MAGI2: variants seen among roughly 807,000 people sequenced by gnomAD.
MAGI2 encodes membrane associated guanylate kinase, WW and PDZ domain containing 2, also known as membrane-associated guanylate kinase, WW and PDZ domain-containing protein 2.
MAGI2 carries 35 observed loss-of-function variants against 133.3 expected under a neutral mutation model. The ratio of observed to expected loss-of-function variants is 0.26; its 90% CI spans 0.20 to 0.35. The LOEUF is 0.35. Ranked by LOEUF, MAGI2 falls within the 10% of genes least tolerant of loss-of-function variation. The pLI, the probability that MAGI2 is intolerant of heterozygous loss-of-function variation, is 1.00. For synonymous variants in MAGI2, 729 were observed against 710.6 expected (o/e 1.03, Z -0.41); for missense variants, 1,636 against 1,863.4 (o/e 0.88, Z 2.25).
chr7:78,476,340 A>G (rs145978599), intron 6 of MAGI2, among the ~76,000 whole-genome samples: 3 of 152,146 alleles, frequency 2.0e-5, no homozygotes, highest in South Asian at 4.1e-4. Context: ...GTGAAGGCAA[A>G]GAAAGAATAT....
intron 1 of MAGI2, among the ~76,000 whole-genome samples, chr7:79,317,973 T>C (rs529610342): frequency 2.6e-5 from 4 of 152,326 alleles, no homozygotes; most frequent in East Asian, 1.9e-4. Context: ...TTGACCAGTA[T>C]TGATCACTCC....
At chr7:78,249,988 T>C (rs968605696) in intron 10 of MAGI2, among the ~76,000 whole-genome samples, 2 of 151,654 alleles carry the variant, frequency 1.3e-5, no homozygotes, top group African/African-American at 4.8e-5. Flanking sequence ...CAATTAAAAA[T>C]AGACTTAAAA....
chr7:79,128,123 T>C (rs919425015), intron 1 of MAGI2, among the ~76,000 whole-genome samples: 2 of 152,164 alleles, frequency 1.3e-5, no homozygotes, highest in Non-Finnish European at 2.9e-5. Context: ...TATGCAGCAT[T>C]ATTTCTGAGG....
At chr7:79,274,733 C>G (rs1835114074) in intron 1 of MAGI2, among the ~76,000 whole-genome samples, 1 of 152,074 alleles carries the variant, frequency 6.6e-6, no homozygotes, top group African/African-American at 2.4e-5. Flanking sequence ...AAGGTTGTGT[C>G]AACACGATGC....
At position 79,192,063 on chromosome 7, in the gene MAGI2, T is replaced by C. The variant is rs187558129; in HGVS notation, c.302-184857A>G. On this transcript the variant is annotated intron_variant, in intron 1 of 21. Transcript: ENST00000354212. ...TAGAAATATATCTTTGTAACTTTCA[T>C]CTAATAACATGATAGAATAAGACCT... Among the ~76,000 whole-genome samples, 52 of 151,992 alleles carry C rather than the reference T, an allele frequency of 3.4e-4. 1 individual carries two copies. The highest frequency in any genetic ancestry group is 1.1e-3 in the African/African-American group (46 of 41,402).
chr7:78,072,057 C>G (rs1025942100), intron 21 of MAGI2, among the ~76,000 whole-genome samples: 1 of 152,068 alleles, frequency 6.6e-6, no homozygotes, highest in Non-Finnish European at 1.5e-5. Flanking sequence ...GTCCGGGCTC[C>G]CAGAAGTGGC....
rs1466456826 is a variant in MAGI2, at chr7:78,251,505, TAA to T, written c.2047+4436_2047+4437del. 5.3e-5 allele frequency: 8 copies of T among 152,244 alleles called. No individual in the cohort carries two copies. The East Asian group carries it at 1.5e-3, about 29-fold the overall frequency. 9.4% of individuals were successfully genotyped at this position (152,244 alleles called of 1,614,324 possible). ...GGAGTCTACAAAAAGCCTCCAGACT[TAA>T]AGAGTCAGTTTAATAAAATTGCAGT... On this transcript the variant is annotated intron_variant, in intron 10 of 21. Transcript: ENST00000354212.
chr7:79,332,096 G>A (rs56274109), intron 1 of MAGI2, among the ~76,000 whole-genome samples: 28,918 of 151,952 alleles, frequency 0.19, 2,863 homozygotes, highest in East Asian at 0.23. Context: ...TATTCACTTC[G>A]TTAGTTAGGT....
rs559062167 is a variant in MAGI2, at chr7:78,113,398, C to T, written c.3567+12296G>A. On this transcript the variant is annotated intron_variant, in intron 20 of 21. Coordinates refer to ENST00000354212, the MANE Select transcript of MAGI2 (RefSeq NM_012301.4). The stretch of plus-strand genomic sequence containing the variant: ...ACATACTTACTTAAAAGATGCTCTC[C>T]GTACCTCTGTGCTGAGTAGTGAGTA... Among the ~76,000 whole-genome samples, 8 of 152,192 alleles carry T rather than the reference C, an allele frequency of 5.3e-5. No homozygotes were observed. The East Asian group carries it at 9.6e-4, about 18-fold the overall frequency.
At chr7:79,059,982 A>G (rs1262921615) in intron 1 of MAGI2, among the ~76,000 whole-genome samples, 2 of 152,160 alleles carry the variant, frequency 1.3e-5, no homozygotes, top group Admixed American at 6.6e-5. Flanking sequence ...TGAGTAATGT[A>G]TGAGGTGTTG....
intron 1 of MAGI2, chr7:79,030,166 G>A (rs181338966): frequency 2.2e-4 from 33 of 152,168 alleles, no homozygotes; most frequent in African/African-American, 7.2e-4. Context: ...AGTGAAACAC[G>A]GTATCCAGGA....
At chr7:78,789,392 T>G (rs1159083446) in intron 2 of MAGI2, among the ~76,000 whole-genome samples, 1 of 152,234 alleles carries the variant, frequency 6.6e-6, no homozygotes, top group Non-Finnish European at 1.5e-5. Flanking sequence ...CTCTTACTGG[T>G]GCATGCTTTC....
chr7:78,577,786 G>A (rs904579915), intron 3 of MAGI2, among the ~76,000 whole-genome samples: 2 of 152,072 alleles, frequency 1.3e-5, no homozygotes, highest in Non-Finnish European at 2.9e-5. Context: ...CTTTTGTGGT[G>A]GAATGTCATC....
chr7:79,442,572 C>T (rs1245851786), intron 1 of MAGI2, among the ~76,000 whole-genome samples: 2 of 152,012 alleles, frequency 1.3e-5, no homozygotes, highest in African/African-American at 2.4e-5. Flanking sequence ...AGCATAGGAA[C>T]TTCCAACTAA....
chr7:78,966,593 G>A (rs1803328181), intron 2 of MAGI2, among the ~76,000 whole-genome samples: 1 of 152,062 alleles, frequency 6.6e-6, no homozygotes, highest in African/African-American at 2.4e-5. Context: ...CATTTAGGTT[G>A]TTTCCACAAC....
intron 2 of MAGI2, among the ~76,000 whole-genome samples, chr7:78,693,470 G>A (rs909616885): frequency 2.0e-5 from 3 of 152,106 alleles, no homozygotes; most frequent in African/African-American, 7.2e-5. Context: ...AAGTTTCAGA[G>A]CAAGAGAAAA....
At chr7:79,316,156 A>G (rs1585543029) in intron 1 of MAGI2, among the ~76,000 whole-genome samples, 1 of 152,114 alleles carries the variant, frequency 6.6e-6, no homozygotes, top group Admixed American at 6.6e-5. Context: ...AGGGCAATGT[A>G]TGGTAGTTAG....
chr7:79,447,734 A>G (rs1001506653), intron 1 of MAGI2, among the ~76,000 whole-genome samples: 1 of 151,968 alleles, frequency 6.6e-6, no homozygotes, highest in African/African-American at 2.4e-5. Flanking sequence ...ACCATAAAAT[A>G]CTATAAAATA....
intron 1 of MAGI2, among the ~76,000 whole-genome samples, chr7:79,166,743 T>C (rs1824957675): frequency 1.3e-5 from 2 of 152,190 alleles, no homozygotes; most frequent in South Asian, 4.1e-4. Context: ...TTCTCAAAAT[T>C]TGCATTTTAC....
Sources: gnomAD v4.1 joint callset for allele counts (sites outside exome capture counted in the v4.1 genomes callset) on GRCh38, gnomAD v4.1.1 for gene constraint, MANE v1.5 for transcripts, NCBI Gene and HGNC (gene_info 2026-07-23, HGNC 2026-07-21) for gene names.